FAM47E: variants seen among roughly 807,000 people sequenced by gnomAD.
FAM47E encodes protein FAM47E.
In FAM47E, 32 loss-of-function variants were observed where a neutral mutation model predicts 41.6. That is an observed-to-expected ratio of 0.77 (90% confidence interval 0.58 to 1.03). The LOEUF (loss-of-function observed/expected upper bound fraction) is 1.03. Among genes scored for constraint, FAM47E ranks in the 50% least tolerant of loss-of-function variants. The pLI, the probability that FAM47E is intolerant of heterozygous loss-of-function variation, is 0.00. For missense variants in FAM47E, 424 were observed against 485.4 expected, an observed-to-expected ratio of 0.87 and a Z score of 1.19; for synonymous variants, 184 against 188.7, an observed-to-expected ratio of 0.98 and a Z score of 0.20.
At chr4:76,232,509 T>C (rs1026322483) in intron 2 of FAM47E, among the ~76,000 whole-genome samples, 1 of 152,264 alleles carries the variant, frequency 6.6e-6, no homozygotes, top group Non-Finnish European at 1.5e-5. Context: ...CAAAGGAGTT[T>C]GGTTTTCTCT....
In FAM47E at chr4:76,273,462, T is replaced by A. The variant is rs1308599149; in HGVS notation, c.870+1694T>A. Among the ~76,000 whole-genome samples, 6 of 152,360 alleles carry A rather than the reference T, an allele frequency of 3.9e-5. No individual in the cohort carries two copies. In the East Asian group the frequency reaches 1.2e-3, roughly 29 times the overall value. ...CTAAAGGTCTTGCCTTCCTGTCTTC[T>A]TGGTTGTACTGTTTCTAGGAGAAAT... is the stretch of plus-strand genomic sequence containing the variant. On this transcript the variant is annotated intron_variant, in intron 5 of 7. Transcript: ENST00000424749.
intron 2 of FAM47E, among the ~76,000 whole-genome samples, chr4:76,230,511 G>C (rs1733474460): frequency 6.6e-6 from 1 of 152,174 alleles, no homozygotes; most frequent in South Asian, 2.1e-4. Flanking sequence ...ATGGGCCATG[G>C]CTCCTGTGCT....
At chr4:76,243,575 A>AT (rs1165006124) in intron 2 of FAM47E, among the ~76,000 whole-genome samples, 2 of 152,162 alleles carry the variant, frequency 1.3e-5, no homozygotes, top group Non-Finnish European at 2.9e-5. Flanking sequence ...GGTGCAGAGC[A>AT]TTGCTTAATC....
At chr4:76,249,194 C>T (rs1733898024), upstream of FAM47E, among the ~76,000 whole-genome samples, 1 of 151,988 alleles carries the variant, frequency 6.6e-6, no homozygotes, top group Admixed American at 6.6e-5. Context: ...CACCACTGCA[C>T]ACCAGCCTGG....
intron 5 of FAM47E, among the ~76,000 whole-genome samples, chr4:76,276,314 T>C (rs777545696): frequency 2.1e-5 from 3 of 145,280 alleles, no homozygotes; most frequent in Non-Finnish European, 4.6e-5. Context: ...TTAAGAAAAG[T>C]GAAGCAGAGA....
At chr4:76,261,517 C>G (rs182392872) in intron 2 of FAM47E, among the ~76,000 whole-genome samples, 1 of 152,124 alleles carries the variant, frequency 6.6e-6, no homozygotes, top group East Asian at 1.9e-4. Context: ...TCATGTCTAT[C>G]GTAGCGACAT....
chr4:76,219,868 A>G (rs772706275), intron 2 of FAM47E, among the ~76,000 whole-genome samples: 27 of 152,208 alleles, frequency 1.8e-4, no homozygotes, highest in Non-Finnish European at 2.4e-4. Context: ...ATGATTACCT[A>G]GAAGCCTCCT....
At chr4:76,221,707 AAC>A (rs745380168) in intron 2 of FAM47E, among the ~76,000 whole-genome samples, 42 of 152,214 alleles carry the variant, frequency 2.8e-4, no homozygotes, top group Non-Finnish European at 5.6e-4. Context: ...CTAAGCATCA[AAC>A]ACACACGGAC....
chr4:76,224,225 A>T (rs1733355828), intron 2 of FAM47E, among the ~76,000 whole-genome samples: 1 of 152,212 alleles, frequency 6.6e-6, no homozygotes, highest in Non-Finnish European at 1.5e-5. Context: ...CCATTGTCAC[A>T]CATAGTTCAT....
intron 2 of FAM47E, among the ~76,000 whole-genome samples, chr4:76,221,715 C>T (rs1297140047): frequency 1.3e-5 from 2 of 152,154 alleles, no homozygotes; most frequent in Admixed American, 6.5e-5. Context: ...CAAACACACA[C>T]GGACACAAAG....
At chr4:76,240,697 C>A (rs1733692566) in intron 2 of FAM47E, among the ~76,000 whole-genome samples, 1 of 152,042 alleles carries the variant, frequency 6.6e-6, no homozygotes, top group African/African-American at 2.4e-5. Flanking sequence ...TTTTAACTTT[C>A]AGCTATTGTA....
rs1735211651 is a variant in FAM47E at position 76,278,262 on chromosome 4, A to G, written c.1026+38A>G. 3 of 1,452,104 alleles carry G rather than the reference A, an allele frequency of 2.1e-6. No individual in the cohort carries two copies. In the African/African-American group the frequency reaches 4.3e-5, roughly 21 times the overall value. The allele number at this position is 1,452,104 out of a possible 1,614,324, so 90.0% of individuals were successfully genotyped here. A position where few individuals can be genotyped will look rare whatever the true frequency, so the allele number is the denominator to read the frequency against. On this transcript the variant is annotated intron_variant, in intron 6 of 7. Transcript: ENST00000424749. ...ACTGAGATTTGATCATCTGAGCTTC[A>G]GATGATCACAGTGCATCTGCCACCC...
chr4:76,238,343 T>C (rs185229313), intron 2 of FAM47E, among the ~76,000 whole-genome samples: 45 of 152,324 alleles, frequency 3.0e-4, no homozygotes, highest in Middle Eastern at 3.4e-3. Flanking sequence ...TGAATTTTGA[T>C]CTAGCTCAGG....
At chr4:76,275,815 C>G (rs1237683502) in intron 5 of FAM47E, among the ~76,000 whole-genome samples, 1 of 152,204 alleles carries the variant, frequency 6.6e-6, no homozygotes, top group South Asian at 2.1e-4. Context: ...CTCCTTCTCC[C>G]CTTTCTACCC....
At chr4:76,253,997 C>T (rs901632384) in intron 1 of FAM47E, among the ~76,000 whole-genome samples, 1 of 151,858 alleles carries the variant, frequency 6.6e-6, no homozygotes, top group Non-Finnish European at 1.5e-5. Flanking sequence ...TGCCGCACAC[C>T]TGTAGTCCCA....
rs1452874811 is a variant in FAM47E, at chr4:76,276,070, C to CA, written c.871-1999_871-1998insA. 3.9e-3 allele frequency among the ~76,000 whole-genome samples: 565 copies of CA among 143,176 alleles called. 3 individuals carry two copies. The highest frequency in any genetic ancestry group is 5.3e-3 in the African/African-American group (206 of 38,684). 93.9% of individuals were successfully genotyped at this position (143,176 alleles called of 152,430 possible). On this transcript the variant is annotated intron_variant, in intron 5 of 7. Coordinates refer to ENST00000424749, the MANE Select transcript of FAM47E (RefSeq NM_001136570.3). ...CACACACACACACACACACACACACCCCTCCCCTACATACAAATAGTTCTC... is the reference window on the plus strand; with the variant it reads ...CACACACACACACACACACACACACCACCTCCCCTACATACAAATAGTTCTC...
chr4:76,283,603 T>C lies in FAM47E; in HGVS notation c.*145T>C. The C allele has an allele frequency of 1.7e-6, 1 of 583,686 alleles. No homozygotes were observed. The highest frequency in any genetic ancestry group is 2.1e-5 in the South Asian group (1 of 46,882). 36.2% of individuals were successfully genotyped at this position (583,686 alleles called of 1,614,324 possible). ...GACTTGGCAACATCTGTAAATGTAATACCTGATGGTTATAAGCATTTCTCA... is the reference window on the plus strand; with the variant it reads ...GACTTGGCAACATCTGTAAATGTAACACCTGATGGTTATAAGCATTTCTCA... On this transcript the variant is annotated 3_prime_UTR_variant, in exon 8 of 8. Coordinates refer to ENST00000424749, the MANE Select transcript of FAM47E (RefSeq NM_001136570.3).
intron 2 of FAM47E, among the ~76,000 whole-genome samples, chr4:76,245,994 C>T (rs1452491500): frequency 6.6e-6 from 1 of 152,132 alleles, no homozygotes; most frequent in African/African-American, 2.4e-5. Context: ...TGGTGTCATG[C>T]CTTTACCCCC....
chr4:76,243,625 C>G (rs1311750348), intron 2 of FAM47E, among the ~76,000 whole-genome samples: 1 of 152,084 alleles, frequency 6.6e-6, no homozygotes, highest in African/African-American at 2.4e-5. Flanking sequence ...TATGCAAGAC[C>G]CTCTCTTATT....
Sources: gnomAD v4.1 joint callset for allele counts (sites outside exome capture counted in the v4.1 genomes callset) on GRCh38, gnomAD v4.1.1 for gene constraint, MANE v1.5 for transcripts, NCBI Gene and HGNC (gene_info 2026-07-23, HGNC 2026-07-21) for gene names.